ELOVL5: variants seen among roughly 807,000 people sequenced by gnomAD.
ELOVL5 encodes the protein very long chain fatty acid elongase 5.
A neutral mutation model predicts 38.6 loss-of-function variants in ELOVL5; 8 were observed. The ratio of observed to expected loss-of-function variants is 0.21; its 90% confidence interval spans 0.12 to 0.37. The LOEUF (loss-of-function observed/expected upper bound fraction) is 0.37, where lower values mean the gene tolerates loss of function less well. Ranked by LOEUF, ELOVL5 falls within the 10% of genes least tolerant of loss-of-function variation. The pLI, the probability that ELOVL5 is intolerant of heterozygous loss-of-function variation, is 1.00. For missense variants in ELOVL5, 280 were observed against 367.8 expected, an observed-to-expected ratio of 0.76 and a Z score of 1.95; for synonymous variants, 127 against 133.7, an observed-to-expected ratio of 0.95 and a Z score of 0.34.
At chr6:53,347,253 T>C (rs1769587357) in intron 1 of ELOVL5, among the ~76,000 whole-genome samples, 1 of 152,166 alleles carries the variant, frequency 6.6e-6, no homozygotes, top group Non-Finnish European at 1.5e-5. Context: ...AAAAAGTTCC[T>C]GGCAATAAGA....
chr6:53,330,990 C>T (rs866549752), intron 1 of ELOVL5, among the ~76,000 whole-genome samples: 8 of 152,100 alleles, frequency 5.3e-5, no homozygotes, highest in Non-Finnish European at 1.0e-4. Flanking sequence ...AAAGACCTGC[C>T]GGAAGCTGTT....
chr6:53,325,469 T>TCATAAGCA (rs1389942690), intron 1 of ELOVL5, among the ~76,000 whole-genome samples: 4 of 152,210 alleles, frequency 2.6e-5, no homozygotes, highest in South Asian at 2.1e-4. Context: ...TGTCAAGTAT[T>TCATAAGCA]CATAAGCACT....
At chr6:53,306,208 AAGGGGAG>A (rs752307767) in intron 1 of ELOVL5, among the ~76,000 whole-genome samples, 736 of 37,192 alleles carry the variant, frequency 0.02, 59 homozygotes, top group African/African-American at 0.058. Flanking sequence ...GGGGAGGAGA[AAGGGGAG>A]AGGGGAGAGG....
chr6:53,348,910 G>A lies in ELOVL5; in HGVS notation c.-102C>T, dbSNP rs752913007. The A allele has an allele frequency of 1.1e-4, 48 of 450,842 alleles. No individual in the cohort carries two copies. The highest frequency in any genetic ancestry group is 7.4e-4 in the South Asian group (48 of 64,554). The allele number at this position is 450,842 out of a possible 1,614,324, so 27.9% of individuals were successfully genotyped here. On this transcript the variant is annotated 5_prime_UTR_variant, in exon 1 of 8. Coordinates refer to ENST00000304434, the MANE Select transcript of ELOVL5 (RefSeq NM_021814.5). ...GGCAGCCGGCGCAGAGGCGGATGTAGAAGGAGACACCGGTGGCTAGGACCC... is the reference window on the plus strand; with the variant it reads ...GGCAGCCGGCGCAGAGGCGGATGTAAAAGGAGACACCGGTGGCTAGGACCC...
At chr6:53,333,292 G>C (rs1414758639) in intron 1 of ELOVL5, among the ~76,000 whole-genome samples, 1 of 152,210 alleles carries the variant, frequency 6.6e-6, no homozygotes, top group Non-Finnish European at 1.5e-5. Flanking sequence ...GACACTTGCA[G>C]ATTTCTCCCA....
chr6:53,304,651 G>C (rs1205690668), intron 1 of ELOVL5, among the ~76,000 whole-genome samples: 1 of 152,108 alleles, frequency 6.6e-6, no homozygotes, highest in African/African-American at 2.4e-5. Context: ...CTGCCTTCAA[G>C]CATCTGTTTA....
intron 1 of ELOVL5, among the ~76,000 whole-genome samples, chr6:53,320,928 A>C (rs1768279581): frequency 6.6e-6 from 1 of 152,230 alleles, no homozygotes; most frequent in South Asian, 2.1e-4. Flanking sequence ...CATTTAAACT[A>C]CTGTCTTGCA....
chr6:53,333,846 A>G (rs1768914664), intron 1 of ELOVL5, among the ~76,000 whole-genome samples: 1 of 152,076 alleles, frequency 6.6e-6, no homozygotes, highest in Admixed American at 6.5e-5. Flanking sequence ...TGCAGTATTC[A>G]CTGAAAGTCT....
chr6:53,316,179 A>G (rs894849202), intron 1 of ELOVL5, among the ~76,000 whole-genome samples: 2 of 152,226 alleles, frequency 1.3e-5, no homozygotes, highest in African/African-American at 4.8e-5. Context: ...ACATACATTT[A>G]ACACACTGTC....
intron 1 of ELOVL5, among the ~76,000 whole-genome samples, chr6:53,340,991 C>G (rs183911891): frequency 8.5e-5 from 13 of 152,218 alleles, no homozygotes; most frequent in African/African-American, 3.1e-4. Flanking sequence ...GGTAAGGAAA[C>G]CAATGCTGGA....
intron 1 of ELOVL5, among the ~76,000 whole-genome samples, chr6:53,312,714 A>G (rs1767894122): frequency 6.6e-6 from 1 of 152,202 alleles, no homozygotes; most frequent in African/African-American, 2.4e-5. Context: ...ATATGAATCT[A>G]CAATTCTCTC....
At chr6:53,269,380 A>T in intron 7 of ELOVL5, 110 bp from the exon 8 acceptor site, 2 of 780,128 alleles carry the variant, frequency 2.6e-6, no homozygotes, top group Non-Finnish European at 3.8e-6. Context: ...ATCAAATCTT[A>T]TCAAGGAGAA....
At chr6:53,292,685 G>A (rs914408817) in intron 2 of ELOVL5, among the ~76,000 whole-genome samples, 2 of 152,206 alleles carry the variant, frequency 1.3e-5, no homozygotes, top group African/African-American at 4.8e-5. Flanking sequence ...CAGCTACTTG[G>A]GAGGCTGAGG....
At chr6:53,334,365 G>C (rs1247625242) in intron 1 of ELOVL5, among the ~76,000 whole-genome samples, 1 of 151,834 alleles carries the variant, frequency 6.6e-6, no homozygotes, top group Non-Finnish European at 1.5e-5. Context: ...TGCAGCACAG[G>C]GTAAAATATG....
rs528519539 is a variant in ELOVL5 at position 53,311,333 on chromosome 6, C to G, written c.-8-15626G>C. ...TCATAAAAACAGAAAATAACAAATA[C>G]TGGCCAAGTAGATGGAGAAAGTGAA... On this transcript the variant is annotated intron_variant, in intron 1 of 7. Coordinates refer to ENST00000304434, the MANE Select transcript of ELOVL5 (RefSeq NM_021814.5). Among the ~76,000 whole-genome samples, 3 of 152,276 alleles carry G rather than the reference C, an allele frequency of 2.0e-5. No individual in the cohort carries two copies. In the East Asian group the frequency reaches 5.8e-4, roughly 29 times the overall value.
rs1376485940 is a variant in ELOVL5, at chr6:53,290,237, CT to C, written c.246+1538del. ...TGAAATTATAGCTATATTTCTAGGGCTTAAGAAACATTTAAGGCAAATGCTT... is the reference window on the plus strand; with the variant it reads ...TGAAATTATAGCTATATTTCTAGGGCTAAGAAACATTTAAGGCAAATGCTT... On this transcript the variant is annotated intron_variant, in intron 3 of 7. Coordinates refer to ENST00000304434, the MANE Select transcript of ELOVL5 (RefSeq NM_021814.5). 5.3e-5 allele frequency: 8 copies of C among 152,294 alleles called. No homozygotes were observed. In the East Asian group the frequency reaches 1.5e-3, roughly 29 times the overall value. The allele number at this position is 152,294 out of a possible 1,614,324, so 9.4% of individuals were successfully genotyped here.
chr6:53,320,489 C>T (rs1413803424), intron 1 of ELOVL5, among the ~76,000 whole-genome samples: 4 of 152,022 alleles, frequency 2.6e-5, no homozygotes, highest in South Asian at 2.1e-4. Flanking sequence ...GCACCCACCA[C>T]CGCGCCTGGC....
rs757160862 is a variant in ELOVL5, at chr6:53,330,517, CTTTTTTTT to C, written c.-9+18292_-9+18299del. Among the ~76,000 whole-genome samples the C allele has an allele frequency of 6.6e-5, 6 of 91,424 alleles. No individual in the cohort carries two copies. In the East Asian group the frequency reaches 1.9e-3, roughly 29 times the overall value. 60.0% of individuals were successfully genotyped at this position (91,424 alleles called of 152,430 possible). A position where few individuals can be genotyped will look rare whatever the true frequency, so the allele number is the denominator to read the frequency against. On this transcript the variant is annotated intron_variant, in intron 1 of 7. Coordinates refer to ENST00000304434, the MANE Select transcript of ELOVL5 (RefSeq NM_021814.5). ...ATGGTAACATTTTTTTCTTTATAAA[CTTTTTTTT>C]TTTTTTTTTTTTTTTTAGGGACAGA... is the stretch of plus-strand genomic sequence containing the variant.
chr6:53,303,663 C>T (rs209495), intron 1 of ELOVL5, among the ~76,000 whole-genome samples: 149,698 of 152,346 alleles, frequency 0.98, 73,555 homozygotes, highest in East Asian at 1. Flanking sequence ...AACCTCATTC[C>T]GGTATAATGG....
Sources: allele counts gnomAD v4.1 joint callset (sites outside exome capture counted in the v4.1 genomes callset), GRCh38; gene constraint gnomAD v4.1.1; transcripts MANE v1.5; gene names NCBI Gene and HGNC (gene_info 2026-07-23, HGNC 2026-07-21).